Variants in KHDRBS2 observed in about 807,000 individuals in gnomAD.
KHDRBS2 encodes KH domain-containing, RNA-binding, signal transduction-associated protein 2.
In KHDRBS2, 26 loss-of-function variants were observed where a neutral mutation model predicts 44.3. The observed-to-expected ratio is 0.59, with a 90% CI of 0.43 to 0.81. KHDRBS2 has a LOEUF of 0.81. KHDRBS2 is among the 40% of genes least tolerant of loss of function. The pLI is 0.00. For synonymous variants in KHDRBS2, 194 were observed against 151.1 expected, an observed-to-expected ratio of 1.28 and a Z score of -2.08; for missense variants, 476 against 433.1, an observed-to-expected ratio of 1.10 and a Z score of -0.88.
chr6:61,562,694 GA>G, the KHDRBS2 span, among the ~76,000 whole-genome samples: 1 of 152,080 alleles, frequency 6.6e-6, no homozygotes, highest in African/African-American at 2.4e-5. Context: ...ATCACTGTGG[GA>G]GAGCAGAAAC....
chr6:62,105,578 G>C (rs1159722907), intron 2 of KHDRBS2, among the ~76,000 whole-genome samples: 1 of 152,144 alleles, frequency 6.6e-6, no homozygotes, highest in Non-Finnish European at 1.5e-5. Context: ...GGTGTTTGTA[G>C]TATTCTGTGA....
intron 4 of KHDRBS2, among the ~76,000 whole-genome samples, chr6:61,904,876 G>A (rs1804677593): frequency 6.6e-6 from 1 of 152,082 alleles, no homozygotes; most frequent in African/African-American, 2.4e-5. Flanking sequence ...TCTGCTTCTT[G>A]GAGGACCCAA....
rs150168389 is a variant in KHDRBS2 at position 61,997,325 on chromosome 6, G to C, written c.337-19113C>G. On this transcript the variant is annotated intron_variant, in intron 3 of 8. Coordinates refer to ENST00000281156, the MANE Select transcript of KHDRBS2 (RefSeq NM_152688.4). ...AGGTACATAAATACTTGATAAGATA[G>C]GATTGCCCCACACTTGACTCCTCTT... Among the ~76,000 whole-genome samples the C allele has an allele frequency of 3.6e-3, 548 of 152,208 alleles. 4 individuals carry two copies. Among genetic ancestry groups the C allele is most frequent in the African/African-American group, 0.012 (506 of 41,528 alleles).
At chr6:61,848,576 C>CATATATATAT (rs767893776) in intron 6 of KHDRBS2, among the ~76,000 whole-genome samples, 1 of 30,040 alleles carries the variant, frequency 3.3e-5, no homozygotes, top group African/African-American at 1.4e-4. Context: ...TATATATATA[C>CATATATATAT]ATATATATAT....
At chr6:62,104,727 T>C (rs1802739796) in intron 2 of KHDRBS2, among the ~76,000 whole-genome samples, 1 of 151,716 alleles carries the variant, frequency 6.6e-6, no homozygotes, top group South Asian at 2.1e-4. Context: ...AGGTTACAAA[T>C]TAAGAAGTTG....
intron 8 of KHDRBS2, among the ~76,000 whole-genome samples, chr6:61,681,632 G>T (rs1245843190): frequency 6.9e-6 from 1 of 143,950 alleles, no homozygotes; most frequent in Admixed American, 6.9e-5. Context: ...AGCAAAATCA[G>T]TAAACAAAAC....
chr6:62,226,224 G>A (rs966206477), intron 1 of KHDRBS2, among the ~76,000 whole-genome samples: 39 of 151,960 alleles, frequency 2.6e-4, no homozygotes, highest in African/African-American at 8.7e-4. Flanking sequence ...TTTAATAATC[G>A]CCATTCTGAC....
intron 3 of KHDRBS2, among the ~76,000 whole-genome samples, chr6:62,034,034 G>T (rs1302567885): frequency 6.6e-6 from 1 of 151,560 alleles, no homozygotes; most frequent in African/African-American, 2.4e-5. Flanking sequence ...GCTATTAAGA[G>T]CAACTATATG....
At chr6:61,601,175 A>C in the KHDRBS2 span, among the ~76,000 whole-genome samples, 1 of 151,714 alleles carries the variant, frequency 6.6e-6, no homozygotes, top group Non-Finnish European at 1.5e-5. Flanking sequence ...CTTTCTCTCC[A>C]TTTCTCTACC....
At chr6:61,576,727 C>A in the KHDRBS2 span, among the ~76,000 whole-genome samples, 1 of 152,108 alleles carries the variant, frequency 6.6e-6, no homozygotes, top group Non-Finnish European at 1.5e-5. Context: ...TCAAGACTAT[C>A]CCTGTTATAC....
At chr6:61,847,026 C>A (rs1269847471) in intron 6 of KHDRBS2, among the ~76,000 whole-genome samples, 2 of 151,932 alleles carry the variant, frequency 1.3e-5, no homozygotes, top group African/African-American at 4.8e-5. Flanking sequence ...ACCTTGATTT[C>A]AAACATTTAT....
chr6:61,901,427 T>C, intron 4 of KHDRBS2, 56 bp from the exon 5 acceptor site: 5 of 1,338,142 alleles, frequency 3.7e-6, no homozygotes, highest in Non-Finnish European at 5.0e-6. Flanking sequence ...TTCTCAGAGT[T>C]GGAAAAAAAA....
chr6:61,679,191 T>G (rs1294028834), downstream of KHDRBS2, among the ~76,000 whole-genome samples: 3 of 151,928 alleles, frequency 2.0e-5, no homozygotes, highest in Non-Finnish European at 2.9e-5. Flanking sequence ...GATTAACAGT[T>G]TTGGCATTCA....
chr6:61,717,311 A>G (rs1288735573), intron 7 of KHDRBS2, among the ~76,000 whole-genome samples: 1 of 152,006 alleles, frequency 6.6e-6, no homozygotes, highest in Non-Finnish European at 1.5e-5. Flanking sequence ...GGTTCTCTGA[A>G]GTGCCTAAAA....
At chr6:61,597,642 G>C in the KHDRBS2 span, among the ~76,000 whole-genome samples, 1 of 148,022 alleles carries the variant, frequency 6.8e-6, no homozygotes, top group South Asian at 2.2e-4. Context: ...GCAGAATGGG[G>C]GACAGAAGTA....
At chr6:62,077,097 C>T (rs1014345358) in intron 2 of KHDRBS2, among the ~76,000 whole-genome samples, 2 of 151,878 alleles carry the variant, frequency 1.3e-5, no homozygotes, top group African/African-American at 4.8e-5. Flanking sequence ...TCTTGCAGAA[C>T]CTGTAGAAAT....
At chr6:61,843,443 C>T (rs1793905944) in intron 6 of KHDRBS2, among the ~76,000 whole-genome samples, 1 of 151,548 alleles carries the variant, frequency 6.6e-6, no homozygotes. Flanking sequence ...ACTGCAACCT[C>T]TGCTCCAGGG....
intron 7 of KHDRBS2, among the ~76,000 whole-genome samples, chr6:61,699,880 A>T (rs148810023): frequency 1.3e-5 from 2 of 152,062 alleles, no homozygotes; most frequent in East Asian, 1.9e-4. Flanking sequence ...CTAAAAAATT[A>T]TGGTAATGTG....
intron 1 of KHDRBS2, among the ~76,000 whole-genome samples, chr6:62,239,164 T>C (rs1834181294): frequency 6.6e-6 from 1 of 152,218 alleles, no homozygotes. Flanking sequence ...TTGTTGTATA[T>C]GAGAAAGTCC....
Sources: gnomAD v4.1 joint callset for allele counts (sites outside exome capture counted in the v4.1 genomes callset) on GRCh38, gnomAD v4.1.1 for gene constraint, MANE v1.5 for transcripts, NCBI Gene and HGNC (gene_info 2026-07-23, HGNC 2026-07-21) for gene names.